Variants in LY96 observed in about 807,000 individuals in gnomAD.
LY96 encodes the protein myeloid differentiation protein-2.
LY96 carries 18 observed loss-of-function variants against 18.9 expected under a neutral mutation model. The observed-to-expected ratio is 0.95, with a 90% CI of 0.66 to 1.41. The LOEUF (loss-of-function observed/expected upper bound fraction) is 1.41, where lower values mean the gene tolerates loss of function less well. Among genes scored for constraint, LY96 ranks in the 40% most tolerant of loss-of-function variants. The probability of loss-of-function intolerance (pLI) is 0.00; values close to 1 mark genes in which losing one functional copy is unlikely to be tolerated. For synonymous variants in LY96, 66 were observed against 62.6 expected, an observed-to-expected ratio of 1.06 and a Z score of -0.26; for missense variants, 175 against 182.4, an observed-to-expected ratio of 0.96 and a Z score of 0.23.
At chr8:74,080,984 C>CTCTCTCTCTCTT in the LY96 span, among the ~76,000 whole-genome samples, 3 of 105,172 alleles carry the variant, frequency 2.9e-5, no homozygotes, top group Non-Finnish European at 1.9e-5. Context: ...TTCTTTCTCT[C>CTCTCTCTCTCTT]TCTTTCTTTC....
At chr8:74,036,997 T>C in the LY96 span, among the ~76,000 whole-genome samples, 2 of 152,246 alleles carry the variant, frequency 1.3e-5, no homozygotes, top group African/African-American at 4.8e-5. Context: ...GATCTTCTTA[T>C]ATGCTTGATG....
the LY96 span, among the ~76,000 whole-genome samples, chr8:74,092,604 C>T: frequency 1.1e-4 from 16 of 152,282 alleles, no homozygotes; most frequent in Non-Finnish European, 2.1e-4. Context: ...TCTTGACCTC[C>T]TCCATCCCTC....
rs556558282 is a variant in LY96 at position 74,001,297 on chromosome 8, C to T, written c.113-3499C>T. On this transcript the variant is annotated intron_variant, in intron 1 of 4. Coordinates refer to ENST00000284818, the MANE Select transcript of LY96 (RefSeq NM_015364.5). ...GGAGTGCAGAGGTGTGATCTCAGCTCACTGCAACCTCCACCTCCTGGGTCT... is the reference window on the plus strand; with the variant it reads ...GGAGTGCAGAGGTGTGATCTCAGCTTACTGCAACCTCCACCTCCTGGGTCT... Among the ~76,000 whole-genome samples, 235 of 150,514 alleles carry T rather than the reference C, an allele frequency of 1.6e-3. 4 individuals carry two copies. The highest frequency in any genetic ancestry group is 2.9e-5 in the Non-Finnish European group (2 of 67,842).
the LY96 span, among the ~76,000 whole-genome samples, chr8:74,054,635 T>C: frequency 1.6e-5 from 2 of 127,432 alleles, no homozygotes; most frequent in African/African-American, 6.0e-5. Flanking sequence ...TTTCTTTCTT[T>C]CTTTCTTTCT....
At chr8:74,039,884 G>A in the LY96 span, among the ~76,000 whole-genome samples, 5 of 152,258 alleles carry the variant, frequency 3.3e-5, no homozygotes, top group Middle Eastern at 3.4e-3. Context: ...GGATGACTGC[G>A]GGCAGGCCTG....
At chr8:74,025,294 A>G (rs991959975) in intron 3 of LY96, among the ~76,000 whole-genome samples, 17 of 152,218 alleles carry the variant, frequency 1.1e-4, no homozygotes. Flanking sequence ...ATGAAAGATC[A>G]TAAGATTATG....
intron 3 of LY96, among the ~76,000 whole-genome samples, chr8:74,012,971 C>T (rs1816559995): frequency 1.3e-5 from 2 of 151,334 alleles, no homozygotes; most frequent in African/African-American, 4.8e-5. Flanking sequence ...TTTTTTGAGA[C>T]AAGATCTTAT....
chr8:74,008,045 C>T (rs920896224), intron 2 of LY96, among the ~76,000 whole-genome samples: 2 of 152,224 alleles, frequency 1.3e-5, no homozygotes, highest in African/African-American at 4.8e-5. Flanking sequence ...CAGGCGTGAG[C>T]CACCGCGCCC....
chr8:73,998,787 T>C (rs757770074), intron 1 of LY96, among the ~76,000 whole-genome samples: 7 of 152,204 alleles, frequency 4.6e-5, no homozygotes, highest in Non-Finnish European at 1.0e-4. Context: ...TTAGCAACAT[T>C]GTCTTCCAAT....
At chr8:73,998,164 A>G (rs1241465139) in intron 1 of LY96, among the ~76,000 whole-genome samples, 1 of 152,200 alleles carries the variant, frequency 6.6e-6, no homozygotes. Context: ...TGCCCAGGAC[A>G]GTCTAAGGAA....
chr8:74,065,838 C>T, the LY96 span, among the ~76,000 whole-genome samples: 1 of 152,200 alleles, frequency 6.6e-6, no homozygotes, highest in East Asian at 1.9e-4. Flanking sequence ...AACATTCTGC[C>T]ATACTCTGGG....
At position 74,002,040 on chromosome 8, in the gene LY96, TTCCTTCCTTCCTTCC is replaced by T. The variant is rs1563710678; in HGVS notation, c.113-2754_113-2740del. On this transcript the variant is annotated intron_variant, in intron 1 of 4. Coordinates refer to ENST00000284818, the MANE Select transcript of LY96 (RefSeq NM_015364.5). ...CTTCCTTCCTTCCTTCCTTCCTTCC[TTCCTTCCTTCCTTCC>T]TTCCTTCCTTCCTTCCTTCCTTTCT... Among the ~76,000 whole-genome samples, 7 of 32,934 alleles carry T rather than the reference TTCCTTCCTTCCTTCC, an allele frequency of 2.1e-4. 1 individual carries two copies. The highest frequency in any genetic ancestry group is 1.5e-3 in the African/African-American group (7 of 4,658). 21.6% of individuals were successfully genotyped at this position (32,934 alleles called of 152,430 possible). A position where few individuals can be genotyped will look rare whatever the true frequency, so the allele number is the denominator to read the frequency against.
intron 3 of LY96, among the ~76,000 whole-genome samples, chr8:74,011,902 C>T (rs1816539915): frequency 6.7e-6 from 1 of 149,064 alleles, no homozygotes; most frequent in South Asian, 2.1e-4. Flanking sequence ...TGAATAGACA[C>T]TTATAGATAC....
chr8:74,072,912 C>G, the LY96 span, among the ~76,000 whole-genome samples: 7 of 152,102 alleles, frequency 4.6e-5, no homozygotes, highest in Non-Finnish European at 8.8e-5. Flanking sequence ...GAACTGCTAG[C>G]AGATATATAT....
the LY96 span, among the ~76,000 whole-genome samples, chr8:74,072,222 A>T: frequency 2.0e-5 from 3 of 152,232 alleles, no homozygotes; most frequent in African/African-American, 7.2e-5. Flanking sequence ...TAAAGCTGTG[A>T]AGTGGACATT....
chr8:74,033,106 C>T (rs183523767), downstream of LY96, among the ~76,000 whole-genome samples: 3 of 152,130 alleles, frequency 2.0e-5, no homozygotes, highest in Admixed American at 6.5e-5. Flanking sequence ...CAGAATCATA[C>T]GACTATTTGA....
At chr8:74,080,982 CTCTCTTTCTTTCTT>C in the LY96 span, among the ~76,000 whole-genome samples, 5 of 127,802 alleles carry the variant, frequency 3.9e-5, no homozygotes, top group East Asian at 2.1e-4. Flanking sequence ...CTTTCTTTCT[CTCTCTTTCTTTCTT>C]TCTTTCTTTC....
At chr8:74,053,391 A>G in the LY96 span, among the ~76,000 whole-genome samples, 2 of 152,210 alleles carry the variant, frequency 1.3e-5, no homozygotes, top group Non-Finnish European at 2.9e-5. Flanking sequence ...GAAGCAAGTC[A>G]TTGCATTGAA....
At chr8:73,992,918 G>A (rs556960421) in intron 1 of LY96, among the ~76,000 whole-genome samples, 1 of 151,366 alleles carries the variant, frequency 6.6e-6, no homozygotes, top group African/African-American at 2.4e-5. Context: ...GCAGTGGCGC[G>A]ATTTCGGCTC....
Sources: gnomAD v4.1 joint callset for allele counts (sites outside exome capture counted in the v4.1 genomes callset) on GRCh38, gnomAD v4.1.1 for gene constraint, MANE v1.5 for transcripts, NCBI Gene and HGNC (gene_info 2026-07-23, HGNC 2026-07-21) for gene names.